Variants in RANBP3 observed in about 807,000 individuals in gnomAD.
RANBP3 encodes ran-binding protein 3.
Under a neutral mutation model 77.3 loss-of-function variants are expected in RANBP3, and 14 were observed. That is an observed-to-expected ratio of 0.18 (90% CI 0.12 to 0.28). The LOEUF (loss-of-function observed/expected upper bound fraction) is 0.28. Ranked by LOEUF, RANBP3 falls within the 10% of genes least tolerant of loss-of-function variation. RANBP3 has a pLI of 1.00. For synonymous variants in RANBP3, 315 were observed against 312.4 expected, an observed-to-expected ratio of 1.01 and a Z score of -0.09; for missense variants, 586 against 752.3, an observed-to-expected ratio of 0.78 and a Z score of 2.59.
Position 5,917,457 on chromosome 19 carries a change from T to C in RANBP3, c.*153A>G. 1 of 802,346 alleles carries C rather than the reference T, an allele frequency of 1.2e-6. No individual in the cohort carries two copies. The highest frequency in any genetic ancestry group is 1.9e-6 in the Non-Finnish European group (1 of 525,826). The allele number at this position is 802,346 out of a possible 1,614,324, so 49.7% of individuals were successfully genotyped here. On this transcript the variant is annotated 3_prime_UTR_variant, in exon 17 of 17. Coordinates refer to ENST00000340578, the MANE Select transcript of RANBP3 (RefSeq NM_007322.3). ...ATTCAGGCAGTTCCCGAGTCTGCTT[T>C]TGAACAGGACGTGCGGGTCCAGACT... is the stretch of plus-strand genomic sequence containing the variant.
At chr19:5,953,911 C>T (rs1464580895) in intron 2 of RANBP3, among the ~76,000 whole-genome samples, 1 of 152,154 alleles carries the variant, frequency 6.6e-6, no homozygotes, top group Non-Finnish European at 1.5e-5. Context: ...TATCCTGGAA[C>T]GATAGGATTT....
At chr19:5,972,429 G>A (rs73923409) in intron 1 of RANBP3, among the ~76,000 whole-genome samples, 2,814 of 152,222 alleles carry the variant, frequency 0.018, 85 homozygotes, top group African/African-American at 0.065. Flanking sequence ...TCTCTACTGC[G>A]TAGGGCAGAG....
Position 5,916,346 on chromosome 19 carries a change from AC to A in RANBP3, c.*1263del, listed in dbSNP as rs1310324707. The A allele has an allele frequency of 6.6e-6, 1 of 152,076 alleles. No homozygotes were observed. The highest frequency in any genetic ancestry group is 1.5e-5 in the Non-Finnish European group (1 of 68,142). The allele number at this position is 152,076 out of a possible 1,614,324, so 9.4% of individuals were successfully genotyped here. A position where few individuals can be genotyped will look rare whatever the true frequency, so the allele number is the denominator to read the frequency against. ...GGGGCTGGGGGCCAGGGCTCTGGCG[AC>A]CTAGAGGTGTGGACGGCACAGCTGC... On this transcript the variant is annotated 3_prime_UTR_variant, in exon 17 of 17. Coordinates refer to ENST00000340578, the MANE Select transcript of RANBP3 (RefSeq NM_007322.3).
intron 14 of RANBP3, among the ~76,000 whole-genome samples, chr19:5,918,934 TTG>T (rs1353554760): frequency 2.0e-5 from 3 of 151,980 alleles, no homozygotes; most frequent in Non-Finnish European, 4.4e-5. Context: ...TTGTGGGAGG[TTG>T]TGTTTGGTCC....
rs115852443 is a variant in RANBP3 at position 5,963,970 on chromosome 19, A to G, written c.23-5997T>C. 8.5e-3 allele frequency among the ~76,000 whole-genome samples: 1,302 copies of G among 152,282 alleles called. 17 individuals carry two copies. The highest frequency in any genetic ancestry group is 0.03 in the African/African-American group (1,245 of 41,560). On this transcript the variant is annotated intron_variant, in intron 1 of 16. Coordinates refer to ENST00000340578, the MANE Select transcript of RANBP3 (RefSeq NM_007322.3). The stretch of plus-strand genomic sequence containing the variant: ...TGATGATCACAGACCCAGGCCAGGG[A>G]GAGTCCCCTGCTGCCCCCTGGTACC...
At chr19:5,931,954 G>A (rs952374106) in intron 7 of RANBP3, among the ~76,000 whole-genome samples, 1 of 152,140 alleles carries the variant, frequency 6.6e-6, no homozygotes, top group Non-Finnish European at 1.5e-5. Flanking sequence ...AGGATCGCTT[G>A]AGCCCAGGAG....
intron 2 of RANBP3, among the ~76,000 whole-genome samples, chr19:5,954,650 C>T (rs560970641): frequency 6.6e-6 from 1 of 152,226 alleles, no homozygotes; most frequent in Admixed American, 6.5e-5. Context: ...GGAACCTCCT[C>T]GGAAAAACAA....
chr19:5,939,485 G>A (rs1057102101), intron 5 of RANBP3, among the ~76,000 whole-genome samples: 7 of 152,222 alleles, frequency 4.6e-5, no homozygotes, highest in Non-Finnish European at 7.3e-5. Context: ...CAGGCCGGGC[G>A]GGAAGGCAGA....
At position 5,962,388 on chromosome 19, in the gene RANBP3, AC is replaced by A. The variant is rs1282018488; in HGVS notation, c.23-4416del. ...AGAGGGGTGTGTGGTGACAGCATCTACCCCTAGATGTAAGTTCTAGAAAGTG... is the reference window on the plus strand; with the variant it reads ...AGAGGGGTGTGTGGTGACAGCATCTACCCTAGATGTAAGTTCTAGAAAGTG... On this transcript the variant is annotated intron_variant, in intron 1 of 16. Transcript: ENST00000340578. Among the ~76,000 whole-genome samples, 4 of 152,050 alleles carry A rather than the reference AC, an allele frequency of 2.6e-5. 1 individual carries two copies. In the South Asian group the frequency reaches 8.3e-4, roughly 32 times the overall value.
Position 5,923,926 on chromosome 19 carries a change from C to T in RANBP3, c.997-12G>A. On this transcript the variant is annotated splice_polypyrimidine_tract_variant and intron_variant, in intron 11 of 16. Transcript: ENST00000340578. ...AATTTTGGGGGGCTCTGCAGGGACA[C>T]AAAAGCATACAAGGAAGAGGGCACT... The T allele has an allele frequency of 1.9e-6, 3 of 1,599,008 alleles. No individual in the cohort carries two copies. Among genetic ancestry groups the T allele is most frequent in the Non-Finnish European group, 2.6e-6 (3 of 1,166,428 alleles).
At chr19:5,948,254 T>C (rs2058232211) in intron 3 of RANBP3, among the ~76,000 whole-genome samples, 1 of 152,032 alleles carries the variant, frequency 6.6e-6, no homozygotes. Flanking sequence ...ATTGAGACCA[T>C]CCTGGCTAAC....
chr19:5,959,376 C>T lies in RANBP3; in HGVS notation c.23-1403G>A, dbSNP rs912822728. On this transcript the variant is annotated intron_variant, in intron 1 of 16. Coordinates refer to ENST00000340578, the MANE Select transcript of RANBP3 (RefSeq NM_007322.3). The surrounding 1 kb of genome is among the most constrained non-coding windows in gnomAD (Gnocchi z 5.1). ...ACAGACACCATCCCACTCCTGCAGA[C>T]GCAGGACAGACTCTGGTCTTGACCT... 5.3e-5 allele frequency among the ~76,000 whole-genome samples: 8 copies of T among 152,016 alleles called. No homozygotes were observed. Among genetic ancestry groups the T allele is most frequent in the African/African-American group, 1.2e-4 (5 of 41,366 alleles).
At chr19:5,932,430 C>G in intron 7 of RANBP3, 22 bp downstream of exon 7, 1 of 1,607,278 alleles carries the variant, frequency 6.2e-7, no homozygotes, top group Non-Finnish European at 8.5e-7. Context: ...TGGGCCTGGG[C>G]GCCAGGGCTG....
rs567796207 is a variant in RANBP3 at position 5,933,792 on chromosome 19, C to T, written c.407-313G>A. ...CAGGCTCAGGAGCCGAGCTGCTCAGCGGCCCTGTACCTGGCTCTGGAGAAT... is the reference window on the plus strand; with the variant it reads ...CAGGCTCAGGAGCCGAGCTGCTCAGTGGCCCTGTACCTGGCTCTGGAGAAT... On this transcript the variant is annotated intron_variant, in intron 5 of 16. Transcript: ENST00000340578. 302 of 255,912 alleles carry T rather than the reference C, an allele frequency of 1.2e-3. 1 individual carries two copies. Among genetic ancestry groups the T allele is most frequent in the African/African-American group, 5.9e-3 (263 of 44,548 alleles). The allele number at this position is 255,912 out of a possible 1,614,324, so 15.9% of individuals were successfully genotyped here. A position where few individuals can be genotyped will look rare whatever the true frequency, so the allele number is the denominator to read the frequency against.
intron 5 of RANBP3, among the ~76,000 whole-genome samples, chr19:5,936,348 TGCAG>T (rs1194808915): frequency 2.0e-5 from 3 of 152,058 alleles, no homozygotes; most frequent in Admixed American, 6.5e-5. Flanking sequence ...CATCTCCACA[TGCAG>T]GCAGGCAGGC....
intron 5 of RANBP3, among the ~76,000 whole-genome samples, chr19:5,940,212 T>G (rs1185267090): frequency 1.3e-5 from 2 of 152,158 alleles, no homozygotes; most frequent in African/African-American, 4.8e-5. Context: ...AGAAGAATGG[T>G]GGTCCCTCGC....
intron 8 of RANBP3, among the ~76,000 whole-genome samples, chr19:5,929,345 C>T (rs111446000): frequency 4.9e-4 from 75 of 152,362 alleles, no homozygotes; most frequent in Middle Eastern, 3.4e-3. Context: ...GCCTGCATCC[C>T]GTCCAGCAGA....
In RANBP3 at chr19:5,921,842, T is replaced by C. The variant is rs1162673853; in HGVS notation, c.1210-521A>G. ...AGGAGGAATGGAGTGACACACATGGTCCGCCCCTACAGCGCATCTCACTCA... is the reference window on the plus strand; with the variant it reads ...AGGAGGAATGGAGTGACACACATGGCCCGCCCCTACAGCGCATCTCACTCA... On this transcript the variant is annotated intron_variant, in intron 13 of 16. Transcript: ENST00000340578. The surrounding 1 kb of genome is among the most constrained non-coding windows in gnomAD (Gnocchi z 5.3). Among the ~76,000 whole-genome samples, 1 of 152,216 alleles carries C rather than the reference T, an allele frequency of 6.6e-6. No individual in the cohort carries two copies. The highest frequency in any genetic ancestry group is 1.5e-5 in the Non-Finnish European group (1 of 68,046).
intron 2 of RANBP3, among the ~76,000 whole-genome samples, chr19:5,953,743 A>G (rs2058302052): frequency 6.6e-6 from 1 of 152,214 alleles, no homozygotes; most frequent in Non-Finnish European, 1.5e-5. Flanking sequence ...TTGCCCCGGA[A>G]ACAATGGTGC....
Sources: allele counts gnomAD v4.1 joint callset (sites outside exome capture counted in the v4.1 genomes callset), GRCh38; gene constraint gnomAD v4.1.1; non-coding constraint Gnocchi (gnomAD v3.1); transcripts MANE v1.5; gene names NCBI Gene and HGNC (gene_info 2026-07-23, HGNC 2026-07-21).